The following PRPS1 variants were observed in gnomAD, a reference collection of about 807,000 sequenced individuals.
PRPS1 encodes the protein phosphoribosyl pyrophosphate synthetase 1.
A neutral mutation model predicts 16.9 loss-of-function variants in PRPS1; 1 was observed. The ratio of observed to expected loss-of-function variants is 0.06; its 90% CI spans 0.02 to 0.28. The LOEUF is 0.28. PRPS1 is among the 10% of genes least tolerant of loss of function. PRPS1 has a pLI of 1.00. For missense variants in PRPS1, 47 were observed against 254.0 expected, an observed-to-expected ratio of 0.19 and a Z score of 5.54; for synonymous variants, 70 against 90.2, an observed-to-expected ratio of 0.78 and a Z score of 1.27.
intron 6 of PRPS1, among the ~76,000 whole-genome samples, chrX:107,648,243 T>C (rs1365764764): frequency 3.6e-5 from 4 of 111,792 alleles, no homozygotes; most frequent in African/African-American, 6.5e-5. Flanking sequence ...CTTTGCTCCA[T>C]CTAAGACCTA....
chrX:107,636,591 A>G (rs1343273373), intron 1 of PRPS1: 1 of 111,262 alleles, frequency 9.0e-6, no homozygotes, highest in Non-Finnish European at 1.9e-5. Flanking sequence ...TTTTGAGATG[A>G]GGGTCTTCCT....
intron 1 of PRPS1, among the ~76,000 whole-genome samples, chrX:107,630,534 T>C (rs1236268947): frequency 3.6e-5 from 4 of 111,964 alleles, no homozygotes; most frequent in African/African-American, 1.3e-4. Flanking sequence ...TAGCTTCTTG[T>C]TTCCTAGATA....
At chrX:107,634,386 T>TA (rs1925377792) in intron 1 of PRPS1, among the ~76,000 whole-genome samples, 1 of 106,077 alleles carries the variant, frequency 9.4e-6, no homozygotes, top group Admixed American at 1.0e-4. Flanking sequence ...AGCTAATGGC[T>TA]AATTTTTTTT....
intron 6 of PRPS1, 39 bp downstream of exon 6, chrX:107,647,804 T>C: frequency 1.7e-6 from 2 of 1,189,000 alleles, no homozygotes; most frequent in Non-Finnish European, 2.3e-6. Context: ...CTTTTCTAAG[T>C]GTTTAGGAGG....
At chrX:107,638,524 G>A (rs1397506430) in intron 1 of PRPS1, among the ~76,000 whole-genome samples, 1 of 110,997 alleles carries the variant, frequency 9.0e-6, no homozygotes, top group Admixed American at 9.6e-5. Flanking sequence ...GATTATAGGC[G>A]TGAGCCATCA....
Position 107,639,415 on chromosome X carries a change from A to G in PRPS1, c.243A>G (p.Ser81=), listed in dbSNP as rs780551723. 2 of 1,210,199 alleles carry G rather than the reference A, an allele frequency of 1.7e-6. No homozygotes were observed. The highest frequency in any genetic ancestry group is 2.3e-4 in the Middle Eastern group (1 of 4,356). Residue 81 remains serine (S), a synonymous_variant, in exon 2 of 7, where the codon TCA becomes TCG. Transcript: ENST00000372435. ...TGATTAATGCCTGCAAGATTGCTTC[A>G]GCCAGCCGGGTTACTGCAGTCATCC... is the stretch of plus-strand genomic sequence containing the variant. ...LIMINACKIA[S]ASRVTAVIPC... is the part of the protein sequence containing the mutation.
Position 107,650,122 on chromosome X carries a change from G to A in PRPS1, c.*90G>A. 8.4e-7 allele frequency: 1 copy of A among 1,196,111 alleles called. No homozygotes were observed. The highest frequency in any genetic ancestry group is 1.7e-5 in the African/African-American group (1 of 57,410). ...GATGACAAATTCAGCAGAAGACCCG[G>A]CTTGCTCCAGTGTAGCTTTCTACAT... On this transcript the variant is annotated 3_prime_UTR_variant, in exon 7 of 7. Transcript: ENST00000372435.
Position 107,650,065 on chromosome X carries a change from A to G in PRPS1, c.*33A>G. The G allele has an allele frequency of 8.3e-7, 1 of 1,210,978 alleles. No individual in the cohort carries two copies. Among genetic ancestry groups the G allele is most frequent in the Non-Finnish European group, 1.1e-6 (1 of 895,157 alleles). ...ACTTCTGAGGCTTTTTGAGAATAAA[A>G]TCCACCCCACCCTTGTTTCCCCTTG... On this transcript the variant is annotated 3_prime_UTR_variant, in exon 7 of 7. Coordinates refer to ENST00000372435, the MANE Select transcript of PRPS1 (RefSeq NM_002764.4).
At chrX:107,634,779 C>T (rs1925392133) in intron 1 of PRPS1, among the ~76,000 whole-genome samples, 2 of 109,847 alleles carry the variant, frequency 1.8e-5, no homozygotes, top group Admixed American at 2.0e-4. Context: ...GGAGATAAGC[C>T]ACTGTGGTCT....
chrX:107,642,619 C>A, intron 4 of PRPS1, 129 bp downstream of exon 4: 1 of 854,199 alleles, frequency 1.2e-6, no homozygotes, highest in Middle Eastern at 3.5e-4. Flanking sequence ...GTAGCTAGCA[C>A]ATGGGTTGAA....
rs143984346 is a variant in PRPS1, at chrX:107,640,006, C to T, written c.306+528C>T. Among the ~76,000 whole-genome samples, 100 of 112,753 alleles carry T rather than the reference C, an allele frequency of 8.9e-4. 1 individual carries two copies. The East Asian group carries it at 0.019, about 21-fold the overall frequency. ...ATGCCCAATTTTACACACAATGCCT[C>T]GAAGAAGGTCAGATATTTTTATTCC... On this transcript the variant is annotated intron_variant, in intron 2 of 6. Coordinates refer to ENST00000372435, the MANE Select transcript of PRPS1 (RefSeq NM_002764.4).
At position 107,647,129 on chromosome X, in the gene PRPS1, C is replaced by T. The variant is rs139552601; in HGVS notation, c.705-477C>T. ...GTATTTGGAGTTACCTTGAGGGGCA[C>T]GTATTTAGGATTAGATGAGGTCACT... On this transcript the variant is annotated intron_variant, in intron 5 of 6. Transcript: ENST00000372435. Among the ~76,000 whole-genome samples the T allele has an allele frequency of 9.8e-3, 1,107 of 112,724 alleles. 17 individuals carry two copies. Among genetic ancestry groups the T allele is most frequent in the African/African-American group, 0.034 (1,045 of 31,034 alleles).
intron 1 of PRPS1, among the ~76,000 whole-genome samples, chrX:107,634,247 C>T (rs1186469431): frequency 9.1e-6 from 1 of 110,232 alleles, no homozygotes; most frequent in African/African-American, 3.3e-5. Flanking sequence ...TGGAGTCTAG[C>T]TCTGTCTCCC....
chrX:107,645,054 T>A, intron 4 of PRPS1, 123 bp from the exon 5 acceptor site: 1 of 746,539 alleles, frequency 1.3e-6, no homozygotes, highest in Non-Finnish European at 2.1e-6. Flanking sequence ...GACCTTGTGA[T>A]CCGCCCACCT....
At chrX:107,642,180 T>C (rs942237712) in intron 3 of PRPS1, among the ~76,000 whole-genome samples, 186 bp from the exon 4 acceptor site, 1 of 112,297 alleles carries the variant, frequency 8.9e-6, no homozygotes, top group Non-Finnish European at 1.9e-5. Flanking sequence ...TTGCTGATCT[T>C]GGCTGGGCTC....
intron 1 of PRPS1, among the ~76,000 whole-genome samples, chrX:107,629,230 G>T (rs1285672569): frequency 1.8e-5 from 2 of 111,705 alleles, no homozygotes; most frequent in African/African-American, 6.5e-5. Context: ...TCGAAATGGT[G>T]TTGGTCCGTT....
At chrX:107,649,856 C>T (rs1925790378) in intron 6 of PRPS1, 84 bp from the exon 7 acceptor site, 2 of 1,206,436 alleles carry the variant, frequency 1.7e-6, no homozygotes, top group Admixed American at 2.2e-5. Context: ...AGGGCACTTG[C>T]CTGGCTGCTC....
intron 1 of PRPS1, among the ~76,000 whole-genome samples, chrX:107,637,580 C>T (rs768671101): frequency 1.8e-5 from 2 of 110,873 alleles, no homozygotes; most frequent in South Asian, 7.6e-4. Context: ...AATTATGGTC[C>T]GGTTATTTGT....
chrX:107,645,394 A>G, intron 5 of PRPS1, 44 bp downstream of exon 5: 1 of 1,200,585 alleles, frequency 8.3e-7, no homozygotes, highest in East Asian at 3.0e-5. Flanking sequence ...GGAAAAAGCT[A>G]GCAATTGCTG....
Sources: allele counts gnomAD v4.1 joint callset (sites outside exome capture counted in the v4.1 genomes callset), GRCh38; gene constraint gnomAD v4.1.1; transcripts MANE v1.5; gene names NCBI Gene and HGNC (gene_info 2026-07-23, HGNC 2026-07-21).